KIAA0825: variants seen among roughly 807,000 people sequenced by gnomAD.
KIAA0825 encodes the protein KIAA0825.
Under a neutral mutation model 147.6 loss-of-function variants are expected in KIAA0825, and 119 were observed. The ratio of observed to expected loss-of-function variants is 0.81; its 90% CI spans 0.69 to 0.94. The LOEUF (loss-of-function observed/expected upper bound fraction) is 0.94, where lower values mean the gene tolerates loss of function less well. KIAA0825 is among the 40% of genes least tolerant of loss of function. The pLI is 0.00. For synonymous variants in KIAA0825, 470 were observed against 518.1 expected, an observed-to-expected ratio of 0.91 and a Z score of 1.26; for missense variants, 1,381 against 1,472.7, an observed-to-expected ratio of 0.94 and a Z score of 1.02.
intron 20 of KIAA0825, among the ~76,000 whole-genome samples, chr5:94,257,926 G>A (rs1191468727): frequency 6.6e-6 from 1 of 151,964 alleles, no homozygotes; most frequent in Non-Finnish European, 1.5e-5. Flanking sequence ...TAGAATTTAA[G>A]GAGTTAGTTC....
intron 1 of KIAA0825, among the ~76,000 whole-genome samples, chr5:94,602,898 A>G (rs1362195495): frequency 6.7e-6 from 1 of 149,596 alleles, no homozygotes; most frequent in Admixed American, 6.7e-5. Context: ...GCATGATCTC[A>G]GCTCACTGCA....
chr5:94,529,293 T>C (rs1402303768), intron 3 of KIAA0825, among the ~76,000 whole-genome samples: 1 of 140,660 alleles, frequency 7.1e-6, no homozygotes, highest in African/African-American at 2.8e-5. Flanking sequence ...TATATGTATA[T>C]ATCATATATA....
intron 20 of KIAA0825, among the ~76,000 whole-genome samples, chr5:94,329,844 T>C (rs1363882299): frequency 6.6e-6 from 1 of 151,880 alleles, no homozygotes; most frequent in Non-Finnish European, 1.5e-5. Context: ...AAGACAAATA[T>C]CCTATGTTCT....
chr5:94,227,676 C>A (rs1467277571), intron 20 of KIAA0825, among the ~76,000 whole-genome samples: 3 of 151,932 alleles, frequency 2.0e-5, no homozygotes, highest in Non-Finnish European at 2.9e-5. Flanking sequence ...TTTGCAGGGA[C>A]ATGGATGAAG....
chr5:94,565,309 G>GA (rs907364620), intron 2 of KIAA0825, among the ~76,000 whole-genome samples: 6 of 147,562 alleles, frequency 4.1e-5, no homozygotes, highest in Admixed American at 2.7e-4. Flanking sequence ...AAAACATAGG[G>GA]AAAAAAAATC....
intron 1 of KIAA0825, among the ~76,000 whole-genome samples, chr5:94,587,058 T>C (rs968415179): frequency 1.3e-5 from 2 of 152,164 alleles, no homozygotes; most frequent in South Asian, 4.1e-4. Flanking sequence ...TAATAAGAGC[T>C]ATTTATGACA....
At chr5:94,265,635 G>T (rs1583987243) in intron 20 of KIAA0825, among the ~76,000 whole-genome samples, 2 of 151,872 alleles carry the variant, frequency 1.3e-5, no homozygotes, top group African/African-American at 4.8e-5. Context: ...CCTGTCTCTA[G>T]TAAAAATACA....
intron 5 of KIAA0825, chr5:94,519,129 T>C: frequency 1.3e-6 from 1 of 764,704 alleles, no homozygotes; most frequent in Non-Finnish European, 1.6e-6. Context: ...TGCATCTCTC[T>C]TCTGCAATGA....
chr5:94,497,463 A>G, intron 5 of KIAA0825, among the ~76,000 whole-genome samples: 1 of 152,324 alleles, frequency 6.6e-6, no homozygotes, highest in Middle Eastern at 3.4e-3. Context: ...GAATTAGCAT[A>G]AATAGGTGGA....
Position 94,193,946 on chromosome 5 carries a change from C to T in KIAA0825, c.3711-39822G>A, listed in dbSNP as rs975312163. On this transcript the variant is annotated intron_variant, in intron 20 of 20. Transcript: ENST00000682413. ...GTTTGTCCTGCTGAAGCCAGAGCAC[C>T]CAAAAGCATATTATTTGGGGATAGG... 3.3e-5 allele frequency among the ~76,000 whole-genome samples: 5 copies of T among 152,042 alleles called. No individual in the cohort carries two copies. In the South Asian group the frequency reaches 1.0e-3, roughly 32 times the overall value.
chr5:94,300,898 T>G (rs1339952091), intron 20 of KIAA0825, among the ~76,000 whole-genome samples: 1 of 152,164 alleles, frequency 6.6e-6, no homozygotes, highest in African/African-American at 2.4e-5. Context: ...CAATGCTGTC[T>G]ACTTTGACGG....
At chr5:94,552,840 A>G (rs2152263375) in intron 2 of KIAA0825, among the ~76,000 whole-genome samples, 3 of 152,336 alleles carry the variant, frequency 2.0e-5, no homozygotes, top group Middle Eastern at 3.4e-3. Flanking sequence ...AGTGAAGAGT[A>G]GAACAGAGGT....
At chr5:94,490,643 C>G (rs367930362) in intron 5 of KIAA0825, among the ~76,000 whole-genome samples, 1 of 151,780 alleles carries the variant, frequency 6.6e-6, no homozygotes, top group Non-Finnish European at 1.5e-5. Flanking sequence ...TGTTACCCTA[C>G]ATTTTTAAAA....
At chr5:94,194,940 A>G (rs1029199436) in intron 20 of KIAA0825, among the ~76,000 whole-genome samples, 2 of 152,182 alleles carry the variant, frequency 1.3e-5, no homozygotes, top group Non-Finnish European at 2.9e-5. Context: ...GCACTGGGGT[A>G]CTGTCCATAC....
rs544194904 is a variant in KIAA0825 at position 94,167,190 on chromosome 5, A to G, written c.3711-13066T>C. ...TCTCCGGATGATGAAAATCCACAAA[A>G]GCTTTTGCCTAATGTTTTAAAACCC... is the stretch of plus-strand genomic sequence containing the variant. On this transcript the variant is annotated intron_variant, in intron 20 of 20. Coordinates refer to ENST00000682413, the MANE Select transcript of KIAA0825 (RefSeq NM_001145678.3). 2.0e-5 allele frequency among the ~76,000 whole-genome samples: 3 copies of G among 152,260 alleles called. No individual in the cohort carries two copies. The South Asian group carries it at 6.2e-4, about 32-fold the overall frequency.
intron 2 of KIAA0825, among the ~76,000 whole-genome samples, chr5:94,554,722 A>C: frequency 2.6e-5 from 1 of 37,744 alleles, no homozygotes; most frequent in South Asian, 1.0e-3. Flanking sequence ...TGTACTATAT[A>C]TATATATATA....
At chr5:94,476,265 G>C (rs1341529440) in intron 7 of KIAA0825, among the ~76,000 whole-genome samples, 1 of 152,150 alleles carries the variant, frequency 6.6e-6, no homozygotes, top group African/African-American at 2.4e-5. Context: ...GTAGGGTTTT[G>C]GTTACCTGCA....
At chr5:94,453,119 T>C in intron 12 of KIAA0825, 50 bp from the exon 13 acceptor site, 1 of 898,286 alleles carries the variant, frequency 1.1e-6, no homozygotes, top group Middle Eastern at 2.1e-4. Flanking sequence ...GCATTAACTA[T>C]GACCATTGAA....
chr5:94,418,135 G>C (rs1032353138), intron 14 of KIAA0825, among the ~76,000 whole-genome samples: 4 of 152,088 alleles, frequency 2.6e-5, no homozygotes, highest in Admixed American at 6.6e-5. Context: ...TGGGTTAAAG[G>C]TAACAAATTA....
Sources: allele counts gnomAD v4.1 joint callset (sites outside exome capture counted in the v4.1 genomes callset), GRCh38; gene constraint gnomAD v4.1.1; transcripts MANE v1.5; gene names NCBI Gene and HGNC (gene_info 2026-07-23, HGNC 2026-07-21).